Variants in MEX3C observed in about 807,000 individuals in gnomAD.
MEX3C encodes RNA-binding E3 ubiquitin-protein ligase MEX3C.
MEX3C carries 15 observed loss-of-function variants against 35.5 expected under a neutral mutation model. The observed-to-expected ratio is 0.42, with a 90% CI of 0.28 to 0.65. MEX3C has a LOEUF of 0.65. Ranked by LOEUF, MEX3C falls within the 30% of genes least tolerant of loss-of-function variation. The pLI is 0.20. For missense variants in MEX3C, 711 were observed against 842.8 expected (o/e 0.84, Z 1.94); for synonymous variants, 390 against 352.8 (o/e 1.11, Z -1.18).
chr18:51,178,368 A>G (rs1481652461), intron 1 of MEX3C, among the ~76,000 whole-genome samples: 1 of 150,972 alleles, frequency 6.6e-6, no homozygotes, highest in Non-Finnish European at 1.5e-5. Flanking sequence ...TCTCCACTTT[A>G]ACCAACTTTT....
At chr18:51,185,555 T>C (rs117492930) in intron 1 of MEX3C, among the ~76,000 whole-genome samples, 223 of 152,300 alleles carry the variant, frequency 1.5e-3, no homozygotes, top group Non-Finnish European at 2.6e-3. Context: ...GGAATTCGGA[T>C]ATGGACTTGT....
chr18:51,184,009 AT>A lies in MEX3C; in HGVS notation c.755-6434del, dbSNP rs201406215. 5.5e-3 allele frequency among the ~76,000 whole-genome samples: 817 copies of A among 149,446 alleles called. 41 individuals are homozygous for A. The East Asian group carries it at 0.12, about 21-fold the overall frequency. On this transcript the variant is annotated intron_variant, in intron 1 of 1. Transcript: ENST00000406189. ...GAGTGAGACCCTGTCTCTTAAAAAA[AT>A]TTTTTTTTTTCCTAGCATGACTCAG...
chr18:51,182,536 C>T (rs1390391781), intron 1 of MEX3C, among the ~76,000 whole-genome samples: 1 of 152,192 alleles, frequency 6.6e-6, no homozygotes, highest in Non-Finnish European at 1.5e-5. Context: ...TCCAACTTAA[C>T]CTCACTGGTG....
chr18:51,177,046 TGGA>T lies in MEX3C; in HGVS notation c.1282_1284del (p.Ser428del), dbSNP rs1284582120. 11 of 1,613,836 alleles carry T rather than the reference TGGA, an allele frequency of 6.8e-6. No homozygotes were observed. The East Asian group carries it at 1.8e-4, about 26-fold the overall frequency. ...CTTGCGCGGCTAGGAGGAACAGGAT[TGGA>T]GGAGAGCCACGCAGAGCCAAGAGTG... On this transcript the variant is annotated inframe_deletion, in exon 2 of 2. Transcript: ENST00000406189. This position sits in a 1 kb window ranked among gnomAD's most constrained non-coding sequence, Gnocchi z 4.2.
intron 1 of MEX3C, among the ~76,000 whole-genome samples, chr18:51,183,395 CCAG>C (rs1912470393): frequency 6.6e-6 from 1 of 152,166 alleles, no homozygotes; most frequent in South Asian, 2.1e-4. Flanking sequence ...ATTTAGGTCA[CCAG>C]TAGTGTACAA....
At chr18:51,186,582 T>TA (rs1319017191) in intron 1 of MEX3C, among the ~76,000 whole-genome samples, 1 of 152,162 alleles carries the variant, frequency 6.6e-6, no homozygotes, top group African/African-American at 2.4e-5. Context: ...CTTTATCGTG[T>TA]AGTAGAAAAA....
chr18:51,197,188 C>T lies in MEX3C; in HGVS notation c.133G>A (p.Gly45Arg). The change falls in exon 1 of 2, where the codon GGG (glycine) becomes AGG (arginine). Residue 45 changes from glycine to arginine, a missense_variant. Gly to Arg is a moderately radical substitution (Grantham distance 125). Around this residue, in one of 4 missense-constraint regions of MEX3C, gnomAD observed 354 missense variants for 311.6 expected, o/e 1.14. Transcript: ENST00000406189. ...PSGGPELEGD[G>R]LLLRERLAAL... Reference sequence around the variant, plus strand: ...GCCAAGCGCTCCCTCAGCAGGAGCCCGTCCCCCTCGAGCTCCGGGCCGCCC... The same window carrying T: ...GCCAAGCGCTCCCTCAGCAGGAGCCTGTCCCCCTCGAGCTCCGGGCCGCCC... 9.7e-7 allele frequency: 1 copy of T among 1,028,680 alleles called. No homozygotes were observed. Among genetic ancestry groups the T allele is most frequent in the Non-Finnish European group, 1.2e-6 (1 of 861,226 alleles). 63.7% of individuals were successfully genotyped at this position (1,028,680 alleles called of 1,614,324 possible).
intron 1 of MEX3C, among the ~76,000 whole-genome samples, chr18:51,180,287 T>C (rs747777354): frequency 5.8e-4 from 89 of 152,228 alleles, no homozygotes; most frequent in Non-Finnish European, 1.1e-3. Flanking sequence ...ATCTAGCCTA[T>C]GGTTGGTATT....
In MEX3C at chr18:51,188,493, C is replaced by T. The variant is rs1291152049; in HGVS notation, c.754+8074G>A. Among the ~76,000 whole-genome samples the T allele has an allele frequency of 3.3e-5, 5 of 151,670 alleles. 1 individual carries two copies. Among genetic ancestry groups the T allele is most frequent in the Non-Finnish European group, 5.9e-5 (4 of 67,918 alleles). On this transcript the variant is annotated intron_variant, in intron 1 of 1. Transcript: ENST00000406189. ...GCCAGGCGTGGTGGTGTGCACTTAC[C>T]GTCCCAGCTACTGGGGATCACTTGA... is the stretch of plus-strand genomic sequence containing the variant.
rs1379475462 is a variant in MEX3C, at chr18:51,196,960, C to T, written c.361G>A (p.Asp121Asn). ...DEEEGEEAEL[D>N]GDLLEEEELE... is the part of the protein sequence containing the mutation. ...TCCTCCTCCTCCAGCAGGTCTCCGT[C>T]CAGCTCCGCTTCCTCCCCCTCCTCC... Residue 121 changes from aspartate (D) to asparagine (N), a missense_variant, in exon 1 of 2, where the codon GAC becomes AAC. By Grantham distance (23) the Asp-to-Asn change is conservative. This residue lies in a region of MEX3C where 354 missense variants were observed against 311.6 expected (regional missense o/e 1.14). Coordinates refer to ENST00000406189, the MANE Select transcript of MEX3C (RefSeq NM_016626.5). 5 of 1,543,366 alleles carry T rather than the reference C, an allele frequency of 3.2e-6. No individual in the cohort carries two copies. Among genetic ancestry groups the T allele is most frequent in the South Asian group, 2.4e-5 (2 of 83,762 alleles).
In MEX3C at chr18:51,196,910, GTCCTCCTCCTCTGCTTCCTCCAGC is replaced by G. The variant is rs1242178192; in HGVS notation, c.387_410del (p.Glu129_Glu136del). 4 of 1,543,072 alleles carry G rather than the reference GTCCTCCTCCTCTGCTTCCTCCAGC, an allele frequency of 2.6e-6. No homozygotes were observed. Among genetic ancestry groups the G allele is most frequent in the Non-Finnish European group, 3.5e-6 (4 of 1,145,964 alleles). ...GCGACAGCAGCAGCAGCGACGACCG[GTCCTCCTCCTCTGCTTCCTCCAGC>G]TCCTCCTCCTCCAGCAGGTCTCCGT... On this transcript the variant is annotated inframe_deletion, in exon 1 of 2. Transcript: ENST00000406189.
rs1912296655 is a variant in MEX3C at position 51,176,153 on chromosome 18, A to C, written c.*198T>G. 3.7e-6 allele frequency: 2 copies of C among 536,154 alleles called. No individual in the cohort carries two copies. Among genetic ancestry groups the C allele is most frequent in the African/African-American group, 3.8e-5 (2 of 52,446 alleles). The allele number at this position is 536,154 out of a possible 1,614,324, so 33.2% of individuals were successfully genotyped here. On this transcript the variant is annotated 3_prime_UTR_variant, in exon 2 of 2. Transcript: ENST00000406189. Reference sequence around the variant, plus strand: ...CAGGATAGTACTAATAATTCAAACCAAACTAATAGACAAGAGACCACTTAG... The same window carrying C: ...CAGGATAGTACTAATAATTCAAACCCAACTAATAGACAAGAGACCACTTAG...
Position 51,175,876 on chromosome 18 carries a change from T to C in MEX3C, c.*475A>G, listed in dbSNP as rs1453885283. 6.5e-6 allele frequency: 1 copy of C among 153,296 alleles called. No homozygotes were observed. Among genetic ancestry groups the C allele is most frequent in the Non-Finnish European group, 1.5e-5 (1 of 68,598 alleles). 9.5% of individuals were successfully genotyped at this position (153,296 alleles called of 1,614,324 possible). A position where few individuals can be genotyped will look rare whatever the true frequency, so the allele number is the denominator to read the frequency against. The stretch of plus-strand genomic sequence containing the variant: ...TCCTGCAGAATTAGGCATATGTTGT[T>C]GTAAAATAAAAAACAAACCTGTTTT... On this transcript the variant is annotated 3_prime_UTR_variant, in exon 2 of 2. Transcript: ENST00000406189.
At chr18:51,179,255 G>A (rs189370762) in intron 1 of MEX3C, among the ~76,000 whole-genome samples, 336 of 152,100 alleles carry the variant, frequency 2.2e-3, no homozygotes, top group African/African-American at 7.2e-3. Flanking sequence ...TGCCTGCCTC[G>A]GCCTCCCAAA....
At chr18:51,180,553 C>A (rs1912403997) in intron 1 of MEX3C, among the ~76,000 whole-genome samples, 1 of 152,188 alleles carries the variant, frequency 6.6e-6, no homozygotes, top group African/African-American at 2.4e-5. Context: ...TATCGGCTCA[C>A]TGCAACTTCC....
rs1313372052 is a variant in MEX3C, at chr18:51,196,798, G to C, written c.523C>G (p.Arg175Gly). The C allele has an allele frequency of 3.3e-6, 5 of 1,526,296 alleles. No individual in the cohort carries two copies. The East Asian group carries it at 1.3e-4, about 39-fold the overall frequency. The allele number at this position is 1,526,296 out of a possible 1,614,324, so 94.5% of individuals were successfully genotyped here. ...VLLPAARFDA[R>G]EAAAAAAAAG... ...GCCGCCGCCGCGGCCGCCGCCTCCC[G>C]GGCATCGAACCTGGCGGCTGGCAGC... is the stretch of plus-strand genomic sequence containing the variant. Residue 175 changes from arginine to glycine, a missense_variant, in exon 1 of 2, where the codon CGG (arginine) becomes GGG (glycine). Physicochemically the swap from Arg to Gly is moderately radical, Grantham distance 125 (BLOSUM62 -2). Around this residue, in one of 4 missense-constraint regions of MEX3C, gnomAD observed 354 missense variants for 311.6 expected, o/e 1.14. Transcript: ENST00000406189.
chr18:51,182,310 A>G (rs1208554057), intron 1 of MEX3C, among the ~76,000 whole-genome samples: 1 of 152,188 alleles, frequency 6.6e-6, no homozygotes, highest in Non-Finnish European at 1.5e-5. Flanking sequence ...GGACTACTGT[A>G]CAAACAGCAG....
At chr18:51,189,537 T>G (rs910229221) in intron 1 of MEX3C, among the ~76,000 whole-genome samples, 1 of 152,160 alleles carries the variant, frequency 6.6e-6, no homozygotes, top group Non-Finnish European at 1.5e-5. Context: ...GAAGTTAAAT[T>G]AAATCTAAAA....
chr18:51,188,554 C>G (rs1213163239), intron 1 of MEX3C, among the ~76,000 whole-genome samples: 1 of 150,766 alleles, frequency 6.6e-6, no homozygotes, highest in Non-Finnish European at 1.5e-5. Flanking sequence ...GCTGAGATTG[C>G]TCTACTGCAC....
Sources: allele counts gnomAD v4.1 joint callset (sites outside exome capture counted in the v4.1 genomes callset), GRCh38; gene constraint gnomAD v4.1.1; regional missense constraint gnomAD v4.1.1; non-coding constraint Gnocchi (gnomAD v3.1); transcripts MANE v1.5; gene names NCBI Gene and HGNC (gene_info 2026-07-23, HGNC 2026-07-21).